Variants in ENKUR observed in about 807,000 individuals in gnomAD.
The protein encoded by ENKUR is enkurin, TRPC channel interacting protein.
A neutral mutation model predicts 27.6 loss-of-function variants in ENKUR; 19 were observed. The observed-to-expected ratio is 0.69, with a 90% CI of 0.48 to 1.01. ENKUR has a LOEUF of 1.01. ENKUR is among the 50% of genes least tolerant of loss of function. The pLI is 0.00. For synonymous variants in ENKUR, 117 were observed against 96.9 expected (o/e 1.21, Z -1.22); for missense variants, 312 against 310.5 (o/e 1.00, Z -0.04).
chr10:25,023,529 A>G, intron 2 of ENKUR: 6 of 1,614,160 alleles, frequency 3.7e-6, no homozygotes, highest in Non-Finnish European at 5.1e-6. Context: ...TGTCTGAAAA[A>G]TTACAGGATG....
At chr10:25,024,754 T>G (rs2132763529) in intron 2 of ENKUR, 1 of 1,614,184 alleles carries the variant, frequency 6.2e-7, no homozygotes, top group East Asian at 2.2e-5. Flanking sequence ...CACAGGAAAC[T>G]TTGGTAACAT....
chr10:24,999,653 CG>C (rs1850144997), intron 1 of ENKUR, 107 bp from the exon 2 acceptor site: 1 of 1,042,646 alleles, frequency 9.6e-7, no homozygotes, highest in Non-Finnish European at 1.4e-6. Context: ...AGTCTATATT[CG>C]TATGGAAAAG....
chr10:25,014,971 G>T (rs538889721), intron 1 of ENKUR, among the ~76,000 whole-genome samples: 9 of 152,310 alleles, frequency 5.9e-5, no homozygotes, highest in African/African-American at 2.2e-4. Context: ...TTATTCTAAA[G>T]TTCACAAAGA....
intron 2 of ENKUR, chr10:25,023,428 A>G (rs1564349313): frequency 6.2e-7 from 1 of 1,614,052 alleles, no homozygotes; most frequent in African/African-American, 1.3e-5. Flanking sequence ...TGCTGGGAAA[A>G]CAACAGTAGG....
intron 2 of ENKUR, among the ~76,000 whole-genome samples, chr10:25,053,504 T>A (rs926532758): frequency 1.3e-5 from 2 of 152,170 alleles, no homozygotes; most frequent in African/African-American, 4.8e-5. Flanking sequence ...GTTCACTGTT[T>A]TAGATTCTGC....
chr10:25,027,308 A>G (rs1235438531), intron 2 of ENKUR, among the ~76,000 whole-genome samples: 1 of 140,842 alleles, frequency 7.1e-6, no homozygotes, highest in Non-Finnish European at 1.5e-5. Flanking sequence ...GTGAGCCGAA[A>G]TCGCGCCACT....
intron 3 of ENKUR, among the ~76,000 whole-genome samples, chr10:24,993,292 T>A (rs1849967703): frequency 6.6e-6 from 1 of 152,248 alleles, no homozygotes; most frequent in Non-Finnish European, 1.5e-5. Flanking sequence ...TATATTATAC[T>A]ATTCACTCTT....
intron 2 of ENKUR, among the ~76,000 whole-genome samples, chr10:25,021,330 A>G (rs970175520): frequency 2.0e-5 from 3 of 152,218 alleles, no homozygotes; most frequent in Non-Finnish European, 4.4e-5. Flanking sequence ...ATTATTACAT[A>G]TGAATATATA....
chr10:25,039,644 T>C (rs924739646), intron 2 of ENKUR, among the ~76,000 whole-genome samples: 1 of 152,218 alleles, frequency 6.6e-6, no homozygotes, highest in African/African-American at 2.4e-5. Context: ...TCTAGCTATG[T>C]GCAGTGCATA....
At chr10:25,013,233 G>A (rs111437747) in intron 1 of ENKUR, among the ~76,000 whole-genome samples, 4,425 of 152,242 alleles carry the variant, frequency 0.029, 145 homozygotes, top group African/African-American at 0.079. Flanking sequence ...TATTAGCAGC[G>A]TGAGAACAGA....
chr10:25,048,820 A>G (rs1336695693), intron 2 of ENKUR, among the ~76,000 whole-genome samples: 13 of 151,672 alleles, frequency 8.6e-5, no homozygotes. Context: ...AGGTCTTTTT[A>G]TATCTTTACC....
intron 1 of ENKUR, among the ~76,000 whole-genome samples, chr10:25,001,479 A>C (rs1337679342): frequency 1.3e-5 from 2 of 151,736 alleles, no homozygotes; most frequent in Admixed American, 6.6e-5. Context: ...CTGTTTCCTC[A>C]TCCGTTTTCT....
intron 2 of ENKUR, among the ~76,000 whole-genome samples, chr10:25,046,707 T>TA (rs1851125573): frequency 6.6e-6 from 1 of 152,230 alleles, no homozygotes; most frequent in Non-Finnish European, 1.5e-5. Flanking sequence ...GGCCCTTTCA[T>TA]AGAATGAGCC....
intron 2 of ENKUR, among the ~76,000 whole-genome samples, chr10:25,054,381 C>G (rs933998066): frequency 2.0e-5 from 3 of 152,124 alleles, no homozygotes; most frequent in Non-Finnish European, 1.5e-5. Flanking sequence ...GAGATCACGC[C>G]ATTGCATTAC....
At chr10:25,046,960 A>T (rs1367000784) in intron 2 of ENKUR, among the ~76,000 whole-genome samples, 2 of 152,166 alleles carry the variant, frequency 1.3e-5, no homozygotes, top group Admixed American at 1.3e-4. Flanking sequence ...GGAAAAAGTG[A>T]GAATTTGTCA....
intron 2 of ENKUR, among the ~76,000 whole-genome samples, chr10:25,038,107 T>G (rs954412217): frequency 1.3e-5 from 2 of 152,220 alleles, no homozygotes; most frequent in African/African-American, 4.8e-5. Flanking sequence ...CAGTTCTCTC[T>G]AGGTACCATT....
chr10:25,022,364 G>C (rs1270950000), intron 2 of ENKUR, among the ~76,000 whole-genome samples: 2 of 152,158 alleles, frequency 1.3e-5, no homozygotes, highest in Non-Finnish European at 2.9e-5. Flanking sequence ...CTCCACTGAT[G>C]ATTATAGGGT....
rs1850141892 is a variant in ENKUR at position 24,999,530 on chromosome 10, T to G, written c.94A>C (p.Lys32Gln). ...PQPPRYISIF[K>Q]ATVKDDMQKA... Reference sequence around the variant, plus strand: ...TGCATGTCATCTTTTACAGTTGCCTTAAAAATGGATATGTACCTAAAATTG... The same window carrying G: ...TGCATGTCATCTTTTACAGTTGCCTGAAAAATGGATATGTACCTAAAATTG... Residue 32 changes from lysine to glutamine, a missense_variant, in exon 2 of 6, where the codon AAG becomes CAG. Coordinates refer to ENST00000331161, the MANE Select transcript of ENKUR (RefSeq NM_145010.4). The G allele has an allele frequency of 6.2e-7, 1 of 1,609,036 alleles. No homozygotes were observed. The highest frequency in any genetic ancestry group is 2.2e-5 in the East Asian group (1 of 44,762).
At chr10:25,015,767 TTTA>T (rs1421018935) in intron 1 of ENKUR, 90 bp downstream of exon 1, 5 of 1,162,848 alleles carry the variant, frequency 4.3e-6, no homozygotes, top group South Asian at 2.4e-5. Context: ...ATACATTTTA[TTTA>T]TTATTAAAAA....
Sources: gnomAD v4.1 joint callset for allele counts (sites outside exome capture counted in the v4.1 genomes callset) on GRCh38, gnomAD v4.1.1 for gene constraint, MANE v1.5 for transcripts, NCBI Gene and HGNC (gene_info 2026-07-23, HGNC 2026-07-21) for gene names.